The following SBF2 variants were observed in gnomAD, a reference collection of about 807,000 sequenced individuals.
SBF2 encodes SET binding factor 2.
Under a neutral mutation model 225.2 loss-of-function variants are expected in SBF2, and 112 were observed. The ratio of observed to expected loss-of-function variants is 0.50; its 90% confidence interval spans 0.43 to 0.58. The LOEUF (loss-of-function observed/expected upper bound fraction) is 0.58. Among genes scored for constraint, SBF2 ranks in the 20% least tolerant of loss-of-function variants. The pLI, the probability that SBF2 is intolerant of heterozygous loss-of-function variation, is 0.00. For synonymous variants in SBF2, 763 were observed against 773.3 expected, an observed-to-expected ratio of 0.99 and a Z score of 0.22; for missense variants, 1,996 against 2,206.2, an observed-to-expected ratio of 0.90 and a Z score of 1.91.
chr11:9,861,844 G>C (rs1014731983), intron 17 of SBF2, among the ~76,000 whole-genome samples: 1 of 152,138 alleles, frequency 6.6e-6, no homozygotes, highest in African/African-American at 2.4e-5. Flanking sequence ...GTATCTTCAT[G>C]TTTATGCACA....
At chr11:9,937,803 G>C (rs1864989092) in intron 16 of SBF2, among the ~76,000 whole-genome samples, 1 of 151,936 alleles carries the variant, frequency 6.6e-6, no homozygotes, top group Non-Finnish European at 1.5e-5. Flanking sequence ...CAATAGTTTT[G>C]ATTTATTATA....
chr11:10,229,591 A>C (rs929248662), intron 1 of SBF2, among the ~76,000 whole-genome samples: 1 of 152,190 alleles, frequency 6.6e-6, no homozygotes, highest in East Asian at 1.9e-4. Flanking sequence ...ATTCAGGAGC[A>C]GGTTGTTCAG....
chr11:9,949,942 A>C (rs1232017625), intron 16 of SBF2, among the ~76,000 whole-genome samples: 8 of 152,328 alleles, frequency 5.3e-5, no homozygotes, highest in Non-Finnish European at 1.2e-4. Flanking sequence ...CAATGTATAC[A>C]TACTTCAAAA....
At chr11:10,302,706 C>G (rs1009879693) in intron 1 of SBF2, 2 of 152,326 alleles carry the variant, frequency 1.3e-5, no homozygotes, top group Non-Finnish European at 2.9e-5. Flanking sequence ...CCTGGCAGAG[C>G]CACAGCTCAA....
Position 10,172,718 on chromosome 11 carries a change from G to C in SBF2, c.141+21184C>G, listed in dbSNP as rs558888845. On this transcript the variant is annotated intron_variant, in intron 2 of 39. Transcript: ENST00000256190. ...GTCTCACTCTGTCGCCCAGGCTGGA[G>C]TGCAGTGGCGCCATCTTGGCTCACT... Among the ~76,000 whole-genome samples the C allele has an allele frequency of 3.2e-4, 48 of 150,688 alleles. 2 individuals are homozygous for C. In the South Asian group the frequency reaches 9.6e-3, roughly 30 times the overall value.
intron 32 of SBF2, among the ~76,000 whole-genome samples, chr11:9,803,228 AAAC>A (rs1322236226): frequency 6.6e-6 from 1 of 152,212 alleles, no homozygotes; most frequent in African/African-American, 2.4e-5. Context: ...TTGAAAAAAA[AAAC>A]AGATGAATCT....
At chr11:9,999,287 ATGTATGTATGTATG>A (rs746052195) in intron 8 of SBF2, among the ~76,000 whole-genome samples, 1,949 of 77,598 alleles carry the variant, frequency 0.025, 32 homozygotes, top group Middle Eastern at 0.038. Context: ...GACTGTATGT[ATGTATGTATGTATG>A]TATGTATGTA....
chr11:9,920,200 G>GTGTGTT (rs1863497153), intron 16 of SBF2, among the ~76,000 whole-genome samples: 1 of 144,510 alleles, frequency 6.9e-6, no homozygotes. Context: ...GTGTGTGTGT[G>GTGTGTT]TGTGTATATA....
At chr11:10,125,732 T>TGGGGA (rs1953718329) in intron 2 of SBF2, among the ~76,000 whole-genome samples, 1 of 152,242 alleles carries the variant, frequency 6.6e-6, no homozygotes. Context: ...GTGTTTCCAC[T>TGGGGA]AATGTCCTTT....
intron 2 of SBF2, among the ~76,000 whole-genome samples, chr11:10,102,743 T>A (rs1432747763): frequency 6.6e-6 from 1 of 152,176 alleles, no homozygotes; most frequent in Non-Finnish European, 1.5e-5. Context: ...CACACTGATA[T>A]GGGGCCACAG....
At chr11:9,933,646 G>A (rs1590514131) in intron 16 of SBF2, among the ~76,000 whole-genome samples, 1 of 152,178 alleles carries the variant, frequency 6.6e-6, no homozygotes, top group East Asian at 1.9e-4. Flanking sequence ...AATCTCTGGG[G>A]CGCATTTAAA....
chr11:9,934,085 T>TAAATAAAA (rs1420918639), intron 16 of SBF2, among the ~76,000 whole-genome samples: 1 of 151,026 alleles, frequency 6.6e-6, no homozygotes, highest in Non-Finnish European at 1.5e-5. Flanking sequence ...GTCTCAAAAA[T>TAAATAAAA]AAATAAATAA....
At position 9,845,635 on chromosome 11, in the gene SBF2, C is replaced by T. The variant is rs1404127728; in HGVS notation, c.3040G>A (p.Ala1014Thr). ...GGGGTAGTTTGTCCAGCAGCAAAAG[C>T]AAAGGTACTGAAAATGGACTGAGGA... Reference protein sequence around the residue: ...RYPQSIFSTFAFAAGQTTPQI... With the variant: ...RYPQSIFSTFTFAAGQTTPQI... Residue 1014 changes from alanine (A) to threonine (T), a missense_variant, in exon 24 of 40, where the codon GCT (alanine) becomes ACT (threonine). Coordinates refer to ENST00000256190, the MANE Select transcript of SBF2 (RefSeq NM_030962.4). The T allele has an allele frequency of 3.0e-5, 48 of 1,613,840 alleles. No homozygotes were observed. The highest frequency in any genetic ancestry group is 4.0e-5 in the Non-Finnish European group (47 of 1,179,850).
intron 17 of SBF2, among the ~76,000 whole-genome samples, chr11:9,882,820 A>C (rs920377496): frequency 2.1e-5 from 3 of 140,434 alleles, no homozygotes; most frequent in Admixed American, 7.0e-5. Flanking sequence ...AAAAAAAAAA[A>C]CCACCAAAAA....
chr11:10,163,077 C>A (rs569036974), intron 2 of SBF2, among the ~76,000 whole-genome samples: 1 of 152,206 alleles, frequency 6.6e-6, no homozygotes, highest in East Asian at 1.9e-4. Flanking sequence ...CACTGAGGGA[C>A]AAAGCTAATG....
chr11:9,986,751 C>T (rs1013743507), intron 13 of SBF2, among the ~76,000 whole-genome samples: 18 of 152,012 alleles, frequency 1.2e-4, no homozygotes, highest in East Asian at 5.8e-4. Flanking sequence ...CTGAACAGAC[C>T]GATAACAAGC....
chr11:10,133,994 T>C (rs1954227793), intron 2 of SBF2, among the ~76,000 whole-genome samples: 1 of 152,224 alleles, frequency 6.6e-6, no homozygotes. Context: ...TCCTTAGACT[T>C]TGTATTAGTC....
At chr11:9,957,481 A>T (rs1034701802) in intron 16 of SBF2, 7 of 151,412 alleles carry the variant, frequency 4.6e-5, no homozygotes, top group Admixed American at 2.0e-4. Flanking sequence ...TTTTTTTGAG[A>T]CAGATTCTTG....
chr11:10,275,745 T>C (rs1962909464), intron 1 of SBF2, among the ~76,000 whole-genome samples: 1 of 152,060 alleles, frequency 6.6e-6, no homozygotes, highest in African/African-American at 2.4e-5. Flanking sequence ...TGGGGAACAA[T>C]TCATTGTTTC....
Sources: allele counts gnomAD v4.1 joint callset (sites outside exome capture counted in the v4.1 genomes callset), GRCh38; gene constraint gnomAD v4.1.1; transcripts MANE v1.5; gene names NCBI Gene and HGNC (gene_info 2026-07-23, HGNC 2026-07-21).